The following PPAN variants were observed in gnomAD, a reference collection of about 807,000 sequenced individuals.
The protein encoded by PPAN is suppressor of SWI4 1 homolog.
Under a neutral mutation model 48.5 loss-of-function variants are expected in PPAN, and 39 were observed. That is an observed-to-expected ratio of 0.80 (90% confidence interval 0.62 to 1.05). The LOEUF is 1.05. Among genes scored for constraint, PPAN ranks in the 50% least tolerant of loss-of-function variants. PPAN has a pLI of 0.00. For synonymous variants in PPAN, 315 were observed against 268.6 expected (o/e 1.17, Z -1.69); for missense variants, 736 against 661.7 (o/e 1.11, Z -1.23).
In PPAN at chr19:10,110,910, G is replaced by C; in HGVS notation, c.1202-35G>C. On this transcript the variant is annotated intron_variant, in intron 11 of 11. Coordinates refer to ENST00000253107, the MANE Select transcript of PPAN (RefSeq NM_020230.7). The surrounding 1 kb of genome is among the most constrained non-coding windows in gnomAD (Gnocchi z 5.9). ...AGCAGGGCACCCAGAGCCTGTCCTT[G>C]TCTCTGGGGGCCCTGACACTGTCTC... 6.2e-7 allele frequency: 1 copy of C among 1,613,188 alleles called. No homozygotes were observed.
In PPAN at chr19:10,111,093, G is replaced by A. The variant is rs780981640; in HGVS notation, c.1350G>A (p.Arg450=). 6.2e-7 allele frequency: 1 copy of A among 1,612,812 alleles called. No homozygotes were observed. The highest frequency in any genetic ancestry group is 1.1e-5 in the South Asian group (1 of 91,066). ...AGTCCCAGGGAGCCCAGGCCAGGCG[G>A]GGGCCCAGAGGGGCTTCCCGGGATG... ...KDKSQGAQAR[R]GPRGASRDGG... is the part of the protein sequence containing the mutation. Residue 450 remains arginine (R), a synonymous_variant, in exon 12 of 12, where the codon CGG becomes CGA. Coordinates refer to ENST00000253107, the MANE Select transcript of PPAN (RefSeq NM_020230.7).
chr19:10,106,296 T>A, upstream of PPAN: 2 of 1,531,416 alleles, frequency 1.3e-6, no homozygotes, highest in South Asian at 2.4e-5. Flanking sequence ...CAGGCCCGCC[T>A]GATGTCGTCC....
intron 2 of PPAN, chr19:10,107,023 CA>C (rs1178451489): frequency 5.2e-6 from 3 of 574,220 alleles, no homozygotes; most frequent in South Asian, 3.1e-5. Context: ...CCCGTCTTTA[CA>C]AAAAATAGAA....
At chr19:10,109,068 TCTC>T (rs2088946898) in intron 5 of PPAN, among the ~76,000 whole-genome samples, 1 of 151,486 alleles carries the variant, frequency 6.6e-6, no homozygotes, top group African/African-American at 2.4e-5. Flanking sequence ...TTCACGCCAT[TCTC>T]CTGCCTCAGC....
intron 2 of PPAN, among the ~76,000 whole-genome samples, chr19:10,107,174 G>C (rs911109205): frequency 5.9e-5 from 9 of 152,132 alleles, no homozygotes; most frequent in Non-Finnish European, 1.2e-4. Context: ...GCGACCGGAG[G>C]AGACCGTGTT....
chr19:10,109,802 C>T (rs917462483), intron 6 of PPAN, 95 bp downstream of exon 6: 2 of 1,589,610 alleles, frequency 1.3e-6, no homozygotes, highest in Non-Finnish European at 8.6e-7. Context: ...GCTGTGATTG[C>T]TCTGTCCAAA....
chr19:10,111,089 G>C lies in PPAN; in HGVS notation c.1346G>C (p.Arg449Thr), dbSNP rs2089049474. The C allele has an allele frequency of 6.2e-7, 1 of 1,613,258 alleles. No individual in the cohort carries two copies. Among genetic ancestry groups the C allele is most frequent in the East Asian group, 2.2e-5 (1 of 44,858 alleles). The change falls in exon 12 of 12, where the codon AGG (arginine) becomes ACG (threonine). Residue 449 changes from arginine to threonine, a missense_variant. Arg to Thr is a moderately conservative substitution (Grantham distance 71). Transcript: ENST00000253107. ...TKDKSQGAQA[R>T]RGPRGASRDG... is the part of the protein sequence containing the mutation. ...GACAAGTCCCAGGGAGCCCAGGCCAGGCGGGGGCCCAGAGGGGCTTCCCGG... is the reference window on the plus strand; with the variant it reads ...GACAAGTCCCAGGGAGCCCAGGCCACGCGGGGGCCCAGAGGGGCTTCCCGG...
upstream of PPAN, chr19:10,106,337 T>C (rs1316329524): frequency 2.6e-6 from 4 of 1,546,988 alleles, no homozygotes; most frequent in African/African-American, 1.4e-5. Flanking sequence ...GCGCCGGAAG[T>C]GAGCTGCGCA....
At chr19:10,107,779 T>C in intron 3 of PPAN, 25 bp from the exon 4 acceptor site, 1 of 1,613,120 alleles carries the variant, frequency 6.2e-7, no homozygotes, top group Admixed American at 1.7e-5. Context: ...CCCTCCAGAG[T>C]CACTGATCTT....
At position 10,111,124 on chromosome 19, in the gene PPAN, C is replaced by G; in HGVS notation, c.1381C>G (p.Arg461Gly). 3 of 1,606,170 alleles carry G rather than the reference C, an allele frequency of 1.9e-6. No homozygotes were observed. Among genetic ancestry groups the G allele is most frequent in the Non-Finnish European group, 2.5e-6 (3 of 1,176,726 alleles). ...CAGAGGGGCTTCCCGGGATGGTGGG[C>G]GAGGCCGGGGCCGGGGCCGCCCAGG... The part of the protein sequence containing the change: ...GPRGASRDGG[R>G]GRGRGRPGKR... Residue 461 changes from arginine to glycine, a missense_variant, in exon 12 of 12, where the codon CGA becomes GGA. Physicochemically the swap from Arg to Gly is moderately radical, Grantham distance 125. Coordinates refer to ENST00000253107, the MANE Select transcript of PPAN (RefSeq NM_020230.7).
At position 10,109,667 on chromosome 19, in the gene PPAN, G is replaced by A. The variant is rs367812908; in HGVS notation, c.550G>A (p.Asp184Asn). 109 of 1,613,688 alleles carry A rather than the reference G, an allele frequency of 6.8e-5. No individual in the cohort carries two copies. The Admixed American group carries it at 1.2e-3, about 17-fold the overall frequency. The stretch of plus-strand genomic sequence containing the variant: ...CACCATCAAGCGCTGCCTCCTCATC[G>A]ACTACAACCCCGACTCCCAGGAGCT... ...LNTIKRCLLI[D>N]YNPDSQELDF... Residue 184 changes from aspartate to asparagine, a missense_variant, in exon 6 of 12, where the codon GAC becomes AAC. Coordinates refer to ENST00000253107, the MANE Select transcript of PPAN (RefSeq NM_020230.7).
rs773003941 is a variant in PPAN at position 10,111,767 on chromosome 19, C to G, written c.*602C>G. The stretch of plus-strand genomic sequence containing the variant: ...TAAGGAGAAGGCATGTTGGCTGTCT[C>G]TGGGGGTCTGCAGATTGTCAGGAGG... On this transcript the variant is annotated 3_prime_UTR_variant, in exon 12 of 12. Transcript: ENST00000253107. The G allele has an allele frequency of 1.9e-6, 3 of 1,612,878 alleles. No homozygotes were observed. Among genetic ancestry groups the G allele is most frequent in the East Asian group, 4.5e-5 (2 of 44,872 alleles).
chr19:10,106,474 C>G, intron 1 of PPAN, 27 bp from the exon 2 acceptor site: 1 of 1,548,866 alleles, frequency 6.5e-7, no homozygotes, highest in Non-Finnish European at 8.7e-7. Flanking sequence ...GGTCGCGGCG[C>G]TGACCCTTTG....
rs1413812508 is a variant in PPAN at position 10,110,700 on chromosome 19, G to A, written c.1035G>A (p.Lys345=). 6.2e-7 allele frequency: 1 copy of A among 1,613,454 alleles called. No individual in the cohort carries two copies. The highest frequency in any genetic ancestry group is 8.5e-7 in the Non-Finnish European group (1 of 1,179,834). ...TGACCCCCACGCCCTCCTCCAGAAA[G>A]AAGAGCCTGGAGGGCATGAAGAAGG... ...RKQEQREAHR[K]KSLEGMKKAR... is the part of the protein sequence containing the mutation. The change falls in exon 11 of 12, where the codon AAG becomes AAA. Residue 345 remains lysine, a synonymous_variant. Transcript: ENST00000253107. This position sits in a 1 kb window ranked among gnomAD's most constrained non-coding sequence, Gnocchi z 5.9.
rs767808445 is a variant in PPAN, at chr19:10,110,291, C to G, written c.823-33C>G. Reference sequence around the variant, plus strand: ...GACCCCCGGGCTCCACCAGTCCCAACGGTGGGCTGACGCTTCTTCCTCGTC... The same window carrying G: ...GACCCCCGGGCTCCACCAGTCCCAAGGGTGGGCTGACGCTTCTTCCTCGTC... On this transcript the variant is annotated intron_variant, in intron 8 of 11. Coordinates refer to ENST00000253107, the MANE Select transcript of PPAN (RefSeq NM_020230.7). This position sits in a 1 kb window ranked among gnomAD's most constrained non-coding sequence, Gnocchi z 5.9. 6.2e-7 allele frequency: 1 copy of G among 1,613,236 alleles called. No homozygotes were observed. Among genetic ancestry groups the G allele is most frequent in the East Asian group, 2.2e-5 (1 of 44,866 alleles).
Position 10,106,619 on chromosome 19 carries a change from T to A in PPAN, c.137T>A (p.Leu46His). The change falls in exon 2 of 12, where the codon CTC (leucine) becomes CAC (histidine). Residue 46 changes from leucine to histidine, a missense_variant. Physicochemically the swap from Leu to His is moderately conservative, Grantham distance 99. Transcript: ENST00000253107. Reference protein sequence around the residue: ...RGCTGRNIRQLSLDVRRVMEP... With the variant: ...RGCTGRNIRQHSLDVRRVMEP... ...TGCACGGGTCGCAACATCCGGCAGC[T>A]CAGCCTGGACGTGCGGCGGGTCATG... 1 of 1,551,212 alleles carries A rather than the reference T, an allele frequency of 6.4e-7. No homozygotes were observed. The highest frequency in any genetic ancestry group is 8.7e-7 in the Non-Finnish European group (1 of 1,148,492).
At position 10,108,086 on chromosome 19, in the gene PPAN, C is replaced by T; in HGVS notation, c.465C>T (p.Leu155=). Residue 155 remains leucine (L), a synonymous_variant, in exon 5 of 12, where the codon CTC becomes CTT. Coordinates refer to ENST00000253107, the MANE Select transcript of PPAN (RefSeq NM_020230.7). The part of the protein sequence containing the change: ...SFGPHGMHVK[L]MATMFQNLFP... ...GCCCCCATGGTATGCATGTGAAGCT[C>T]ATGGCCACCATGTTCCAGAACCTGT... The T allele has an allele frequency of 1.9e-6, 3 of 1,613,880 alleles. No individual in the cohort carries two copies. The highest frequency in any genetic ancestry group is 1.1e-5 in the South Asian group (1 of 91,052).
At chr19:10,108,751 C>CAA (rs565271742) in intron 5 of PPAN, among the ~76,000 whole-genome samples, 1,310 of 88,354 alleles carry the variant, frequency 0.015, 23 homozygotes, top group East Asian at 0.061. Flanking sequence ...GACACTGTCT[C>CAA]AAAAAAAAAA....
intron 5 of PPAN, among the ~76,000 whole-genome samples, chr19:10,108,431 T>C (rs921482727): frequency 2.0e-5 from 3 of 151,990 alleles, no homozygotes; most frequent in African/African-American, 7.3e-5. Context: ...TCGTAGCATC[T>C]CTTCTTAGGG....
Sources: allele counts gnomAD v4.1 joint callset (sites outside exome capture counted in the v4.1 genomes callset), GRCh38; gene constraint gnomAD v4.1.1; non-coding constraint Gnocchi (gnomAD v3.1); transcripts MANE v1.5; gene names NCBI Gene and HGNC (gene_info 2026-07-23, HGNC 2026-07-21).